The following RAMP2 variants were observed in gnomAD, a reference collection of about 807,000 sequenced individuals.
The protein encoded by RAMP2 is receptor activity modifying protein 2, also known as receptor activity-modifying protein 2.
Under a neutral mutation model 18.2 loss-of-function variants are expected in RAMP2, and 11 were observed. The ratio of observed to expected loss-of-function variants is 0.60; its 90% confidence interval spans 0.38 to 1.00. RAMP2 has a LOEUF of 1.00. Ranked by LOEUF, RAMP2 falls within the 50% of genes least tolerant of loss-of-function variation. The probability of loss-of-function intolerance (pLI) is 0.01; values close to 1 mark genes in which losing one functional copy is unlikely to be tolerated. For synonymous variants in RAMP2, 86 were observed against 90.8 expected, an observed-to-expected ratio of 0.95 and a Z score of 0.30; for missense variants, 191 against 226.5, an observed-to-expected ratio of 0.84 and a Z score of 1.01.
Position 42,761,987 on chromosome 17 carries a change from A to G in RAMP2, c.163+88A>G, listed in dbSNP as rs2054368306. The G allele has an allele frequency of 7.8e-7, 1 of 1,277,108 alleles. No homozygotes were observed. The allele number at this position is 1,277,108 out of a possible 1,614,324, so 79.1% of individuals were successfully genotyped here. ...GGTTCCTTTCCCACGAGGCCTGCCC[A>G]ACCCCAGCTGATGCCCCACTACACT... On this transcript the variant is annotated intron_variant, in intron 2 of 3. Coordinates refer to ENST00000253796, the MANE Select transcript of RAMP2 (RefSeq NM_005854.3). The surrounding 1 kb of genome is among the most constrained non-coding windows in gnomAD (Gnocchi z 4.2).
Position 42,761,912 on chromosome 17 carries a change from G to A in RAMP2, c.163+13G>A, listed in dbSNP as rs1396707572. ...CCAGGGTCAGAAGGTGGGTACCCAG[G>A]GTGTGGAAGGGTGGCCGAGGGTAAG... On this transcript the variant is annotated intron_variant, in intron 2 of 3. Transcript: ENST00000253796. This position sits in a 1 kb window ranked among gnomAD's most constrained non-coding sequence, Gnocchi z 4.2. The A allele has an allele frequency of 6.5e-7, 1 of 1,549,698 alleles. No individual in the cohort carries two copies. Among genetic ancestry groups the A allele is most frequent in the Non-Finnish European group, 8.9e-7 (1 of 1,123,030 alleles).
In RAMP2 at chr17:42,762,961, C is replaced by A; in HGVS notation, c.*109C>A. ...TCACTCTCATCCCCACCACAGATCC[C>A]TGGATTGCTGGGAATGGAAGCCAGG... On this transcript the variant is annotated 3_prime_UTR_variant, in exon 4 of 4. Transcript: ENST00000253796. 7.8e-7 allele frequency: 1 copy of A among 1,282,086 alleles called. No homozygotes were observed. 79.4% of individuals were successfully genotyped at this position (1,282,086 alleles called of 1,614,324 possible).
rs1259931006 is a variant in RAMP2 at position 42,761,768 on chromosome 17, C to A, written c.98-66C>A. The A allele has an allele frequency of 1.4e-6, 2 of 1,381,952 alleles. No individual in the cohort carries two copies. Among genetic ancestry groups the A allele is most frequent in the East Asian group, 2.3e-5 (1 of 43,112 alleles). The allele number at this position is 1,381,952 out of a possible 1,614,324, so 85.6% of individuals were successfully genotyped here. A position where few individuals can be genotyped will look rare whatever the true frequency, so the allele number is the denominator to read the frequency against. ...TTTCGGAGGGTCTCAGTCCCCCAACCCCCCTCGCAGGCTCCACTGCCGGGG... is the reference window on the plus strand; with the variant it reads ...TTTCGGAGGGTCTCAGTCCCCCAACACCCCTCGCAGGCTCCACTGCCGGGG... On this transcript the variant is annotated intron_variant, in intron 1 of 3. Transcript: ENST00000253796. The surrounding 1 kb of genome is among the most constrained non-coding windows in gnomAD (Gnocchi z 4.2).
At chr17:42,762,183 A>C (rs1012612670) in intron 2 of RAMP2, among the ~76,000 whole-genome samples, 172 bp from the exon 3 acceptor site, 3 of 152,204 alleles carry the variant, frequency 2.0e-5, no homozygotes, top group African/African-American at 7.2e-5. Context: ...CATGGAAGTC[A>C]TTATAGGATT....
intron 2 of RAMP2, 147 bp from the exon 3 acceptor site, chr17:42,762,208 C>A: frequency 1.6e-6 from 2 of 1,231,434 alleles, no homozygotes; most frequent in Non-Finnish European, 2.3e-6. Flanking sequence ...AGCTGGGACT[C>A]TGTCCTCAGC....
Position 42,761,485 on chromosome 17 carries a change from C to G in RAMP2, c.97+127C>G, listed in dbSNP as rs1292768943. 1 of 784,498 alleles carries G rather than the reference C, an allele frequency of 1.3e-6. No individual in the cohort carries two copies. The highest frequency in any genetic ancestry group is 1.9e-6 in the Non-Finnish European group (1 of 538,734). 48.6% of individuals were successfully genotyped at this position (784,498 alleles called of 1,614,324 possible). On this transcript the variant is annotated intron_variant, in intron 1 of 3. Transcript: ENST00000253796. This position sits in a 1 kb window ranked among gnomAD's most constrained non-coding sequence, Gnocchi z 4.2. The stretch of plus-strand genomic sequence containing the variant: ...TGGGGTGCGGGTTAGGACCGACGTA[C>G]CTAGCAGCACTGGCCCTCGGACGGT...
In RAMP2 at chr17:42,762,943, C is replaced by A; in HGVS notation, c.*91C>A. ...CCCTCCTACTCCCTTTTCTCACTCT[C>A]ATCCCCACCACAGATCCCTGGATTG... On this transcript the variant is annotated 3_prime_UTR_variant, in exon 4 of 4. Transcript: ENST00000253796. 1 of 1,355,978 alleles carries A rather than the reference C, an allele frequency of 7.4e-7. No individual in the cohort carries two copies. Among genetic ancestry groups the A allele is most frequent in the Non-Finnish European group, 1.0e-6 (1 of 999,778 alleles). 84.0% of individuals were successfully genotyped at this position (1,355,978 alleles called of 1,614,324 possible).
In RAMP2 at chr17:42,761,460, T is replaced by C. The variant is rs1161240567; in HGVS notation, c.97+102T>C. ...GGATGGCCGAGGCCGGAACGGGCCC[T>C]GGGGTGCGGGTTAGGACCGACGTAC... On this transcript the variant is annotated intron_variant, in intron 1 of 3. Coordinates refer to ENST00000253796, the MANE Select transcript of RAMP2 (RefSeq NM_005854.3). The surrounding 1 kb of genome is among the most constrained non-coding windows in gnomAD (Gnocchi z 4.2). The C allele has an allele frequency of 1.9e-6, 2 of 1,027,432 alleles. No homozygotes were observed. The allele number at this position is 1,027,432 out of a possible 1,614,324, so 63.6% of individuals were successfully genotyped here. A position where few individuals can be genotyped will look rare whatever the true frequency, so the allele number is the denominator to read the frequency against.
In RAMP2 at chr17:42,762,292, T is replaced by G. The variant is rs764467536; in HGVS notation, c.164-63T>G. 5 of 1,607,362 alleles carry G rather than the reference T, an allele frequency of 3.1e-6. No individual in the cohort carries two copies. In the East Asian group the frequency reaches 8.9e-5, roughly 29 times the overall value. ...ACAGGCAGTTCACCTTGCAAGCACC[T>G]GGGCAGGAGGGTTTGTAGGGAGGGG... On this transcript the variant is annotated intron_variant, in intron 2 of 3. Coordinates refer to ENST00000253796, the MANE Select transcript of RAMP2 (RefSeq NM_005854.3).
chr17:42,762,026 TCTTGGGGTTC>T, intron 2 of RAMP2, 127 bp downstream of exon 2: 1 of 968,536 alleles, frequency 1.0e-6, no homozygotes. Context: ...CTCTGTTCTT[TCTTGGGGTTC>T]CTCGTGGTCT....
rs202235735 is a variant in RAMP2, at chr17:42,762,858, C to G, written c.*6C>G. On this transcript the variant is annotated 3_prime_UTR_variant, in exon 4 of 4. Coordinates refer to ENST00000253796, the MANE Select transcript of RAMP2 (RefSeq NM_005854.3). ...ACAGTGAGGCCCAGGCCTAGGGGGC[C>G]ACGAGCTTCTCAACAACCATGTTAC... 1.5e-4 allele frequency: 237 copies of G among 1,575,272 alleles called. 1 individual carries two copies. The highest frequency in any genetic ancestry group is 2.0e-4 in the Non-Finnish European group (229 of 1,155,018).
In RAMP2 at chr17:42,761,287, C is replaced by T; in HGVS notation, c.26C>T (p.Ala9Val). Residue 9 changes from alanine to valine, a missense_variant, in exon 1 of 4, where the codon GCC becomes GTC. Transcript: ENST00000253796. This position sits in a 1 kb window ranked among gnomAD's most constrained non-coding sequence, Gnocchi z 4.2. ...ATGGCCTCGCTCCGGGTGGAGCGCGCCGGCGGCCCGCGTCTCCCTAGGACC... is the reference window on the plus strand; with the variant it reads ...ATGGCCTCGCTCCGGGTGGAGCGCGTCGGCGGCCCGCGTCTCCCTAGGACC... MASLRVER[A>V]GGPRLPRTRV... 1 of 1,385,464 alleles carries T rather than the reference C, an allele frequency of 7.2e-7. No homozygotes were observed. Among genetic ancestry groups the T allele is most frequent in the South Asian group, 1.6e-5 (1 of 61,676 alleles). 85.8% of individuals were successfully genotyped at this position (1,385,464 alleles called of 1,614,324 possible).
rs202235735 is a variant in RAMP2 at position 42,762,858 on chromosome 17, C to T, written c.*6C>T. ...ACAGTGAGGCCCAGGCCTAGGGGGC[C>T]ACGAGCTTCTCAACAACCATGTTAC... On this transcript the variant is annotated 3_prime_UTR_variant, in exon 4 of 4. Transcript: ENST00000253796. 12 of 1,575,154 alleles carry T rather than the reference C, an allele frequency of 7.6e-6. No individual in the cohort carries two copies. The highest frequency in any genetic ancestry group is 4.5e-5 in the East Asian group (2 of 44,230).
Position 42,761,935 on chromosome 17 carries a change from A to G in RAMP2, c.163+36A>G. 2 of 1,517,540 alleles carry G rather than the reference A, an allele frequency of 1.3e-6. No individual in the cohort carries two copies. The highest frequency in any genetic ancestry group is 1.8e-6 in the Non-Finnish European group (2 of 1,097,696). 94.0% of individuals were successfully genotyped at this position (1,517,540 alleles called of 1,614,324 possible). A position where few individuals can be genotyped will look rare whatever the true frequency, so the allele number is the denominator to read the frequency against. ...AGGGTGTGGAAGGGTGGCCGAGGGT[A>G]AGGACGAGAGCAAGTTCAGTGGGGA... On this transcript the variant is annotated intron_variant, in intron 2 of 3. Coordinates refer to ENST00000253796, the MANE Select transcript of RAMP2 (RefSeq NM_005854.3). This position sits in a 1 kb window ranked among gnomAD's most constrained non-coding sequence, Gnocchi z 4.2.
In RAMP2 at chr17:42,761,410, G is replaced by C; in HGVS notation, c.97+52G>C. 8.3e-7 allele frequency: 1 copy of C among 1,199,954 alleles called. No homozygotes were observed. Among genetic ancestry groups the C allele is most frequent in the Non-Finnish European group, 1.1e-6 (1 of 932,880 alleles). The allele number at this position is 1,199,954 out of a possible 1,614,324, so 74.3% of individuals were successfully genotyped here. On this transcript the variant is annotated intron_variant, in intron 1 of 3. Transcript: ENST00000253796. This position sits in a 1 kb window ranked among gnomAD's most constrained non-coding sequence, Gnocchi z 4.2. ...CGGGAGGCGCGAGAGGCCCCGGAGGGGAGAGGGGAGAGGGGAGAGGGGCTG... is the reference window on the plus strand; with the variant it reads ...CGGGAGGCGCGAGAGGCCCCGGAGGCGAGAGGGGAGAGGGGAGAGGGGCTG...
rs1236060657 is a variant in RAMP2, at chr17:42,761,368, G to A, written c.97+10G>A. On this transcript the variant is annotated intron_variant, in intron 1 of 3. Coordinates refer to ENST00000253796, the MANE Select transcript of RAMP2 (RefSeq NM_005854.3). The surrounding 1 kb of genome is among the most constrained non-coding windows in gnomAD (Gnocchi z 4.2). ...CTCCTCCTGCTGGGCGGTGAGCGCGGCGCCCCGAGGCCCGGGCGGGAGGCG... is the reference window on the plus strand; with the variant it reads ...CTCCTCCTGCTGGGCGGTGAGCGCGACGCCCCGAGGCCCGGGCGGGAGGCG... 1 of 1,324,782 alleles carries A rather than the reference G, an allele frequency of 7.5e-7. No homozygotes were observed. The highest frequency in any genetic ancestry group is 9.6e-7 in the Non-Finnish European group (1 of 1,042,056). 82.1% of individuals were successfully genotyped at this position (1,324,782 alleles called of 1,614,324 possible). A position where few individuals can be genotyped will look rare whatever the true frequency, so the allele number is the denominator to read the frequency against.
Position 42,762,445 on chromosome 17 carries a change from A to G in RAMP2, c.254A>G (p.Asp85Gly). ...QMDPIEKDWC[D>G]WAMISRPYST... The stretch of plus-strand genomic sequence containing the variant: ...GATCCTATCGAAAAGGATTGGTGCG[A>G]CTGGGCCATGATTAGCAGGTAGGGG... Residue 85 changes from aspartate to glycine, a missense_variant, in exon 3 of 4, where the codon GAC becomes GGC. Transcript: ENST00000253796. 6.2e-7 allele frequency: 1 copy of G among 1,614,064 alleles called. No homozygotes were observed. The highest frequency in any genetic ancestry group is 8.5e-7 in the Non-Finnish European group (1 of 1,179,984).
rs2054368015 is a variant in RAMP2 at position 42,761,943 on chromosome 17, G to C, written c.163+44G>C. The C allele has an allele frequency of 6.7e-7, 1 of 1,502,570 alleles. No individual in the cohort carries two copies. Among genetic ancestry groups the C allele is most frequent in the African/African-American group, 1.4e-5 (1 of 72,156 alleles). 93.1% of individuals were successfully genotyped at this position (1,502,570 alleles called of 1,614,324 possible). On this transcript the variant is annotated intron_variant, in intron 2 of 3. Coordinates refer to ENST00000253796, the MANE Select transcript of RAMP2 (RefSeq NM_005854.3). This position sits in a 1 kb window ranked among gnomAD's most constrained non-coding sequence, Gnocchi z 4.2. ...GAAGGGTGGCCGAGGGTAAGGACGA[G>C]AGCAAGTTCAGTGGGGAGGGTTCCT...
chr17:42,761,404 C>G lies in RAMP2; in HGVS notation c.97+46C>G, dbSNP rs1275590554. 2.4e-6 allele frequency: 3 copies of G among 1,260,934 alleles called. No homozygotes were observed. The highest frequency in any genetic ancestry group is 3.0e-6 in the Non-Finnish European group (3 of 988,462). The allele number at this position is 1,260,934 out of a possible 1,614,324, so 78.1% of individuals were successfully genotyped here. ...CCCGGGCGGGAGGCGCGAGAGGCCC[C>G]GGAGGGGAGAGGGGAGAGGGGAGAG... On this transcript the variant is annotated intron_variant, in intron 1 of 3. Coordinates refer to ENST00000253796, the MANE Select transcript of RAMP2 (RefSeq NM_005854.3). This position sits in a 1 kb window ranked among gnomAD's most constrained non-coding sequence, Gnocchi z 4.2.
Sources: gnomAD v4.1 joint callset for allele counts (sites outside exome capture counted in the v4.1 genomes callset) on GRCh38, gnomAD v4.1.1 for gene constraint, Gnocchi (gnomAD v3.1) non-coding constraint, MANE v1.5 for transcripts, NCBI Gene and HGNC (gene_info 2026-07-23, HGNC 2026-07-21) for gene names.